The following TUBA3D variants were observed in gnomAD, a reference collection of about 807,000 sequenced individuals.
The protein encoded by TUBA3D is tubulin alpha 3d, also known as tubulin alpha-3D chain.
A neutral mutation model predicts 36.1 loss-of-function variants in TUBA3D; 24 were observed. That is an observed-to-expected ratio of 0.66 (90% CI 0.48 to 0.93). TUBA3D has a LOEUF of 0.93. TUBA3D is among the 40% of genes least tolerant of loss of function. The pLI, the probability that TUBA3D is intolerant of heterozygous loss-of-function variation, is 0.00. For missense variants in TUBA3D, 356 were observed against 614.5 expected (o/e 0.58, Z 4.45); for synonymous variants, 185 against 247.2 (o/e 0.75, Z 2.36).
In TUBA3D at chr2:131,482,617, C is replaced by T. The variant is rs139782017; in HGVS notation, c.1122C>T (p.Ala374=). Residue 374 remains alanine, a synonymous_variant, in exon 5 of 5, where the codon GCC becomes GCT. Coordinates refer to ENST00000321253, the MANE Select transcript of TUBA3D (RefSeq NM_080386.4). ...GAGACCTGGCCAAGGTGCAGCGGGCCGTGTGCATGCTGAGCAACACCACGG... is the reference window on the plus strand; with the variant it reads ...GAGACCTGGCCAAGGTGCAGCGGGCTGTGTGCATGCTGAGCAACACCACGG... The part of the protein sequence containing the change: ...PGGDLAKVQR[A]VCMLSNTTAI... The T allele has an allele frequency of 1.1e-3, 1,696 of 1,613,762 alleles. 17 individuals carry two copies. In the African/African-American group the frequency reaches 0.019, roughly 18 times the overall value.
chr2:131,477,504 C>G (rs1001305595), intron 1 of TUBA3D, among the ~76,000 whole-genome samples: 5 of 151,950 alleles, frequency 3.3e-5, no homozygotes, highest in African/African-American at 7.3e-5. Context: ...GAGAGGGATT[C>G]AGGTCACCCA....
Position 131,482,811 on chromosome 2 carries a change from C to G in TUBA3D, c.1316C>G (p.Ser439Cys), listed in dbSNP as rs1294321851. 1 of 1,614,170 alleles carries G rather than the reference C, an allele frequency of 6.2e-7. No homozygotes were observed. Among genetic ancestry groups the G allele is most frequent in the African/African-American group, 1.3e-5 (1 of 75,030 alleles). Residue 439 changes from serine (S) to cysteine (C), a missense_variant, in exon 5 of 5, where the codon TCC becomes TGC. Physicochemically the swap from Ser to Cys is moderately radical, Grantham distance 112. Around this residue, in one of 3 missense-constraint regions of TUBA3D, gnomAD observed 156 missense variants for 219.8 expected, o/e 0.71. Transcript: ENST00000321253. ...GATTATGAAGAGGTGGGCGTGGATT[C>G]CGTGGAAGCTGAGGCTGAAGAAGGC... The part of the protein sequence containing the change: ...EKDYEEVGVD[S>C]VEAEAEEGEE...
At chr2:131,480,981 G>A (rs1678844925) in intron 4 of TUBA3D, among the ~76,000 whole-genome samples, 2 of 151,496 alleles carry the variant, frequency 1.3e-5, no homozygotes, top group Admixed American at 6.6e-5. Flanking sequence ...TCAGCTAACT[G>A]CAACCTCTGC....
rs748910733 is a variant in TUBA3D at position 131,482,575 on chromosome 2, C to A, written c.1080C>A (p.Pro360=). The change falls in exon 5 of 5, where the codon CCC becomes CCA. Residue 360 remains proline (P), a synonymous_variant. Transcript: ENST00000321253. The stretch of plus-strand genomic sequence containing the variant: ...AGGTGGGCATTAACTACCAGCCCCC[C>A]ACAGTGGTCCCCGGGGGAGACCTGG... ...GFKVGINYQP[P]TVVPGGDLAK... 1.3e-5 allele frequency: 21 copies of A among 1,610,412 alleles called. No homozygotes were observed. Among genetic ancestry groups the A allele is most frequent in the African/African-American group, 2.7e-5 (2 of 74,780 alleles).
intron 1 of TUBA3D, among the ~76,000 whole-genome samples, chr2:131,476,768 T>C (rs191584232): frequency 3.6e-4 from 54 of 151,850 alleles, no homozygotes; most frequent in African/African-American, 1.3e-3. Context: ...ACCCAGTCTC[T>C]ACAAAAAAAT....
intron 4 of TUBA3D, among the ~76,000 whole-genome samples, chr2:131,481,313 G>A (rs1360332404): frequency 6.6e-6 from 1 of 151,882 alleles, no homozygotes; most frequent in African/African-American, 2.4e-5. Context: ...TTGTCCCCCA[G>A]GCTGTAGTAT....
Position 131,480,485 on chromosome 2 carries a change from C to T in TUBA3D, c.792C>T (p.Arg264=), listed in dbSNP as rs749159752. ...EFQTNLVPYP[R]IHFPLATYAP... Reference sequence around the variant, plus strand: ...AGACCAACCTAGTGCCGTACCCCCGCATCCACTTCCCCCTGGCCACCTATG... The same window carrying T: ...AGACCAACCTAGTGCCGTACCCCCGTATCCACTTCCCCCTGGCCACCTATG... The change falls in exon 4 of 5, where the codon CGC becomes CGT. Residue 264 remains arginine (R), a synonymous_variant. Transcript: ENST00000321253. The T allele has an allele frequency of 1.3e-6, 2 of 1,589,930 alleles. No homozygotes were observed. Among genetic ancestry groups the T allele is most frequent in the Non-Finnish European group, 1.7e-6 (2 of 1,172,098 alleles).
At chr2:131,481,921 C>G (rs1678877677) in intron 4 of TUBA3D, among the ~76,000 whole-genome samples, 1 of 152,222 alleles carries the variant, frequency 6.6e-6, no homozygotes, top group African/African-American at 2.4e-5. Flanking sequence ...TGACCCTGTG[C>G]ACTGCGGCCA....
At chr2:131,481,360 C>A (rs953265604) in intron 4 of TUBA3D, among the ~76,000 whole-genome samples, 1 of 152,022 alleles carries the variant, frequency 6.6e-6, no homozygotes, top group African/African-American at 2.4e-5. Context: ...CCTCTGCCTC[C>A]CAGGCTCCAG....
At chr2:131,477,409 C>A (rs1241753742) in intron 1 of TUBA3D, among the ~76,000 whole-genome samples, 1 of 152,110 alleles carries the variant, frequency 6.6e-6, no homozygotes, top group Non-Finnish European at 1.5e-5. Context: ...CCATTACAGG[C>A]TTCAAGGGGT....
chr2:131,477,294 T>C (rs969677654), intron 1 of TUBA3D, among the ~76,000 whole-genome samples: 3 of 152,060 alleles, frequency 2.0e-5, no homozygotes, highest in African/African-American at 7.3e-5. Context: ...CTCAGCCTTC[T>C]AAAGTGCTGG....
At chr2:131,476,415 C>T (rs911339532) in intron 1 of TUBA3D, among the ~76,000 whole-genome samples, 4 of 152,162 alleles carry the variant, frequency 2.6e-5, no homozygotes, top group African/African-American at 9.7e-5. Context: ...AGCTGCCGGC[C>T]TTTAGTGAAC....
rs1223743613 is a variant in TUBA3D at position 131,482,613 on chromosome 2, G to A, written c.1118G>A (p.Arg373Gln). The A allele has an allele frequency of 7.4e-6, 12 of 1,613,958 alleles. No homozygotes were observed. The highest frequency in any genetic ancestry group is 9.3e-6 in the Non-Finnish European group (11 of 1,180,000). ...GGGGGAGACCTGGCCAAGGTGCAGC[G>A]GGCCGTGTGCATGCTGAGCAACACC... is the stretch of plus-strand genomic sequence containing the variant. ...VPGGDLAKVQRAVCMLSNTTA... is the reference protein window; with the variant it reads ...VPGGDLAKVQQAVCMLSNTTA... Residue 373 changes from arginine (R) to glutamine (Q), a missense_variant, in exon 5 of 5, where the codon CGG becomes CAG. Transcript: ENST00000321253.
Position 131,477,305 on chromosome 2 carries a change from G to C in TUBA3D, c.4-859G>C, listed in dbSNP as rs117315766. ...TCACCTCAGCCTTCTAAAGTGCTGG[G>C]ATTATAGGAATGAGCCACCACACCC... On this transcript the variant is annotated intron_variant, in intron 1 of 4. Coordinates refer to ENST00000321253, the MANE Select transcript of TUBA3D (RefSeq NM_080386.4). Among the ~76,000 whole-genome samples, 74 of 152,222 alleles carry C rather than the reference G, an allele frequency of 4.9e-4. No homozygotes were observed. The East Asian group carries it at 9.1e-3, about 19-fold the overall frequency.
At chr2:131,482,518 C>T (rs1292485695) in intron 4 of TUBA3D, 34 bp from the exon 5 acceptor site, 1 of 1,579,450 alleles carries the variant, frequency 6.3e-7, no homozygotes, top group Non-Finnish European at 8.6e-7. Context: ...TTGATATAAG[C>T]TTCATGGACT....
chr2:131,477,095 T>G (rs1217488238), intron 1 of TUBA3D, among the ~76,000 whole-genome samples: 1 of 151,464 alleles, frequency 6.6e-6, no homozygotes, highest in South Asian at 2.1e-4. Context: ...TGGAGCACAG[T>G]TGCAGGATCA....
intron 1 of TUBA3D, among the ~76,000 whole-genome samples, chr2:131,476,438 G>C (rs538940220): frequency 4.5e-4 from 68 of 152,324 alleles, no homozygotes; most frequent in African/African-American, 1.6e-3. Context: ...GACCATTGAC[G>C]GTGTCCCGTC....
chr2:131,482,441 C>A lies in TUBA3D; in HGVS notation c.1057-111C>A. The A allele has an allele frequency of 5.5e-6, 8 of 1,465,230 alleles. No homozygotes were observed. The South Asian group carries it at 8.3e-5, about 15-fold the overall frequency. The allele number at this position is 1,465,230 out of a possible 1,614,324, so 90.8% of individuals were successfully genotyped here. A position where few individuals can be genotyped will look rare whatever the true frequency, so the allele number is the denominator to read the frequency against. Reference sequence around the variant, plus strand: ...GGCTTAGTGACGTTTGTGAGGTGAACTGAGCATTCTCCGTGTCACCTACAG... The same window carrying A: ...GGCTTAGTGACGTTTGTGAGGTGAAATGAGCATTCTCCGTGTCACCTACAG... On this transcript the variant is annotated intron_variant, in intron 4 of 4. Coordinates refer to ENST00000321253, the MANE Select transcript of TUBA3D (RefSeq NM_080386.4).
At chr2:131,478,135 T>C (rs762539966) in intron 1 of TUBA3D, 29 bp from the exon 2 acceptor site, 10 of 1,597,796 alleles carry the variant, frequency 6.3e-6, no homozygotes, top group Non-Finnish European at 2.6e-6. Flanking sequence ...TTGAAATGAA[T>C]GGGTTCACTT....
Sources: gnomAD v4.1 joint callset for allele counts (sites outside exome capture counted in the v4.1 genomes callset) on GRCh38, gnomAD v4.1.1 for gene constraint, gnomAD v4.1.1 regional missense constraint, MANE v1.5 for transcripts, NCBI Gene and HGNC (gene_info 2026-07-23, HGNC 2026-07-21) for gene names.